Variants in RADX observed in about 807,000 individuals in gnomAD.
RADX encodes the protein RPA-related protein RADX.
A neutral mutation model predicts 61.6 loss-of-function variants in RADX; 36 were observed. The observed-to-expected ratio is 0.58, with a 90% CI of 0.45 to 0.77. RADX has a LOEUF of 0.77. RADX is among the 30% of genes least tolerant of loss of function. The probability of loss-of-function intolerance (pLI) is 0.00; values close to 1 mark genes in which losing one functional copy is unlikely to be tolerated. For missense variants in RADX, 497 were observed against 651.1 expected, an observed-to-expected ratio of 0.76 and a Z score of 2.58; for synonymous variants, 272 against 237.9, an observed-to-expected ratio of 1.14 and a Z score of -1.32.
rs1436034126 is a variant in RADX at position 106,619,007 on chromosome X, C to T, written c.644-3644C>T. Among the ~76,000 whole-genome samples the T allele has an allele frequency of 2.7e-5, 3 of 110,736 alleles. No individual in the cohort carries two copies. In the South Asian group the frequency reaches 1.1e-3, roughly 42 times the overall value. On this transcript the variant is annotated intron_variant, in intron 1 of 13. Coordinates refer to ENST00000372548, the MANE Select transcript of RADX (RefSeq NM_018015.6). Reference sequence around the variant, plus strand: ...GTTTGTACCTGTTCTTGAAATTCTACTTTATGTTTACCATATGCCACCTTA... The same window carrying T: ...GTTTGTACCTGTTCTTGAAATTCTATTTTATGTTTACCATATGCCACCTTA...
At chrX:106,635,923 A>G (rs189481574) in intron 6 of RADX, among the ~76,000 whole-genome samples, 1 of 112,479 alleles carries the variant, frequency 8.9e-6, no homozygotes, top group Admixed American at 9.4e-5. Context: ...TTTTTAGTCT[A>G]TAAAGTTAGC....
chrX:106,657,458 C>G (rs1927970514), intron 11 of RADX, among the ~76,000 whole-genome samples: 1 of 112,216 alleles, frequency 8.9e-6, no homozygotes, highest in African/African-American at 3.2e-5. Flanking sequence ...AGAACTTTTA[C>G]ATTGCACTCT....
intron 10 of RADX, among the ~76,000 whole-genome samples, chrX:106,647,007 G>A (rs1927672841): frequency 9.0e-6 from 1 of 110,838 alleles, no homozygotes; most frequent in African/African-American, 3.3e-5. Flanking sequence ...CAGTCTTTTA[G>A]TTATTTTAAA....
chrX:106,665,276 A>T (rs1468180721), intron 12 of RADX, among the ~76,000 whole-genome samples: 1 of 111,898 alleles, frequency 8.9e-6, no homozygotes, highest in African/African-American at 3.2e-5. Flanking sequence ...GCCAAGTAGT[A>T]AATGTTTGAG....
intron 3 of RADX, among the ~76,000 whole-genome samples, chrX:106,625,854 A>G (rs1458154190): frequency 9.0e-6 from 1 of 111,508 alleles, no homozygotes; most frequent in Non-Finnish European, 1.9e-5. Flanking sequence ...AGTGGCAGCC[A>G]TCATACATAC....
At chrX:106,653,247 C>A (rs1253840265) in intron 11 of RADX, among the ~76,000 whole-genome samples, 2 of 110,817 alleles carry the variant, frequency 1.8e-5, no homozygotes, top group Non-Finnish European at 3.8e-5. Context: ...TATATTTTCT[C>A]ATTTTTCTTT....
At chrX:106,647,510 C>G (rs1163474557) in intron 10 of RADX, among the ~76,000 whole-genome samples, 1 of 110,690 alleles carries the variant, frequency 9.0e-6, no homozygotes, top group African/African-American at 3.3e-5. Flanking sequence ...ATATACCAAG[C>G]AGGGGGGATG....
intron 9 of RADX, among the ~76,000 whole-genome samples, chrX:106,640,130 A>G (rs1927470325): frequency 9.1e-6 from 1 of 109,819 alleles, no homozygotes; most frequent in African/African-American, 3.3e-5. Context: ...CTTTCATAGG[A>G]AGTTTTCTCT....
chrX:106,660,580 G>C (rs779571465), intron 11 of RADX, among the ~76,000 whole-genome samples: 1 of 112,152 alleles, frequency 8.9e-6, no homozygotes, highest in Non-Finnish European at 1.9e-5. Flanking sequence ...ACATAGGCAA[G>C]AAAGAAAGTC....
chrX:106,668,940 A>G (rs1928296617), intron 12 of RADX, among the ~76,000 whole-genome samples: 1 of 112,176 alleles, frequency 8.9e-6, no homozygotes, highest in Non-Finnish European at 1.9e-5. Context: ...TTGAACTGTT[A>G]TTTCCAGCAG....
At chrX:106,674,995 G>A (rs1437003856) in intron 13 of RADX, among the ~76,000 whole-genome samples, 1 of 105,922 alleles carries the variant, frequency 9.4e-6, no homozygotes, top group Non-Finnish European at 1.9e-5. Context: ...CTGCACTCCA[G>A]CCTGGCAACA....
chrX:106,639,664 G>A lies in RADX; in HGVS notation c.1711G>A (p.Ala571Thr). Residue 571 changes from alanine (A) to threonine (T), a missense_variant, in exon 9 of 14, where the codon GCC becomes ACC. Coordinates refer to ENST00000372548, the MANE Select transcript of RADX (RefSeq NM_018015.6). ...CCCCCATAGCAGTGCGACTGAAAGT[G>A]CCTCAGCATCAGAAACACTTCGGGT... ...YIPHSSATESASASETLRNAN... is the reference protein window; with the variant it reads ...YIPHSSATESTSASETLRNAN... 8.4e-7 allele frequency: 1 copy of A among 1,190,109 alleles called. No individual in the cohort carries two copies. The highest frequency in any genetic ancestry group is 1.1e-6 in the Non-Finnish European group (1 of 886,058).
intron 8 of RADX, among the ~76,000 whole-genome samples, chrX:106,639,034 T>C: frequency 8.9e-6 from 1 of 111,937 alleles, no homozygotes. Context: ...TTTAGTAGAA[T>C]TAATATATGA....
At chrX:106,630,360 AC>A (rs1320797174) in intron 3 of RADX, among the ~76,000 whole-genome samples, 2 of 109,510 alleles carry the variant, frequency 1.8e-5, no homozygotes, top group African/African-American at 6.7e-5. Context: ...AAAAAAAAAA[AC>A]ACCTAATAAT....
intron 3 of RADX, among the ~76,000 whole-genome samples, chrX:106,631,844 AAAG>A (rs1470256413): frequency 5.4e-4 from 60 of 110,325 alleles, no homozygotes; most frequent in Admixed American, 1.5e-3. Context: ...AAGAAAGAAA[AAAG>A]AAAGAAAAAG....
At chrX:106,667,576 C>T (rs1396222365) in intron 12 of RADX, among the ~76,000 whole-genome samples, 3 of 111,127 alleles carry the variant, frequency 2.7e-5, no homozygotes, top group Non-Finnish European at 5.7e-5. Flanking sequence ...CCACCCACCT[C>T]GGCCTCCCAA....
chrX:106,629,394 A>G (rs1603040325), intron 3 of RADX, among the ~76,000 whole-genome samples: 1 of 112,331 alleles, frequency 8.9e-6, no homozygotes, highest in Non-Finnish European at 1.9e-5. Flanking sequence ...ATTTCCTTTC[A>G]CATGACTAGT....
intron 6 of RADX, among the ~76,000 whole-genome samples, chrX:106,634,212 T>G (rs1440121652): frequency 9.0e-6 from 1 of 111,503 alleles, no homozygotes; most frequent in East Asian, 2.8e-4. Flanking sequence ...CTTGACTCAC[T>G]GCAACCACTA....
At chrX:106,613,757 A>C (rs1335737687) in intron 1 of RADX, among the ~76,000 whole-genome samples, 1 of 112,018 alleles carries the variant, frequency 8.9e-6, no homozygotes, top group Non-Finnish European at 1.9e-5. Flanking sequence ...TAAATAACTA[A>C]ATTTTAAAAA....
Sources: gnomAD v4.1 joint callset for allele counts (sites outside exome capture counted in the v4.1 genomes callset) on GRCh38, gnomAD v4.1.1 for gene constraint, MANE v1.5 for transcripts, NCBI Gene and HGNC (gene_info 2026-07-23, HGNC 2026-07-21) for gene names.